The following RICTOR variants were observed in gnomAD, a reference collection of about 807,000 sequenced individuals.
The protein encoded by RICTOR is rapamycin-insensitive companion of mTOR.
RICTOR carries 49 observed loss-of-function variants against 214.9 expected under a neutral mutation model. That is an observed-to-expected ratio of 0.23 (90% confidence interval 0.18 to 0.29). RICTOR has a LOEUF of 0.29. Among genes scored for constraint, RICTOR ranks in the 10% least tolerant of loss-of-function variants. The pLI is 1.00. For synonymous variants in RICTOR, 717 were observed against 711.3 expected (o/e 1.01, Z -0.13); for missense variants, 1,625 against 2,047.0 (o/e 0.79, Z 3.98).
chr5:39,060,948 C>T (rs1758500538), intron 2 of RICTOR, among the ~76,000 whole-genome samples: 1 of 151,980 alleles, frequency 6.6e-6, no homozygotes, highest in Non-Finnish European at 1.5e-5. Context: ...CCCCATTTTC[C>T]TCATCAGTTA....
In RICTOR at chr5:38,938,703, G is replaced by C. The variant is rs1440882305; in HGVS notation, c.*3601C>G. 2 of 232,614 alleles carry C rather than the reference G, an allele frequency of 8.6e-6. No individual in the cohort carries two copies. The highest frequency in any genetic ancestry group is 2.2e-5 in the African/African-American group (1 of 45,322). The allele number at this position is 232,614 out of a possible 1,614,324, so 14.4% of individuals were successfully genotyped here. On this transcript the variant is annotated 3_prime_UTR_variant, in exon 38 of 38. Transcript: ENST00000357387. ...GAATGCTCCTAGAAAGATTCTCACA[G>C]ATTTCAGTGTTCTTTGATAAGCACT...
intron 5 of RICTOR, among the ~76,000 whole-genome samples, chr5:38,998,218 G>C (rs1753320505): frequency 6.6e-6 from 1 of 152,180 alleles, no homozygotes; most frequent in South Asian, 2.1e-4. Context: ...CTCTTACAAG[G>C]CAAATAACAT....
At chr5:38,945,752 T>A in intron 33 of RICTOR, 28 bp from the exon 34 acceptor site, 1 of 1,211,598 alleles carries the variant, frequency 8.3e-7, no homozygotes. Flanking sequence ...TAAAACATAA[T>A]CCAATAAAGA....
chr5:38,966,777 T>C (rs1029624762), intron 14 of RICTOR, 56 bp from the exon 15 acceptor site: 3 of 953,402 alleles, frequency 3.1e-6, no homozygotes, highest in Non-Finnish European at 3.2e-6. Context: ...TGAAAACATT[T>C]ATGCATCAGA....
intron 2 of RICTOR, among the ~76,000 whole-genome samples, chr5:39,068,559 T>C (rs538370013): frequency 6.6e-6 from 1 of 152,238 alleles, no homozygotes; most frequent in South Asian, 2.1e-4. Context: ...AATGTGTGTA[T>C]GTGTTTTGTT....
intron 37 of RICTOR, 110 bp from the exon 38 acceptor site, chr5:38,942,488 C>T: frequency 1.9e-6 from 1 of 514,714 alleles, no homozygotes; most frequent in South Asian, 4.9e-5. Flanking sequence ...CTTGCTCAGT[C>T]TTCCCAGGAT....
intron 3 of RICTOR, among the ~76,000 whole-genome samples, chr5:39,007,755 T>C (rs1172242384): frequency 2.0e-5 from 3 of 151,582 alleles, no homozygotes. Flanking sequence ...TGGCAAAATA[T>C]TGTTTTAAAT....
At chr5:39,055,737 A>C (rs977566910) in intron 2 of RICTOR, among the ~76,000 whole-genome samples, 9 of 152,216 alleles carry the variant, frequency 5.9e-5, no homozygotes, top group Non-Finnish European at 1.2e-4. Flanking sequence ...CTGCGAGGGA[A>C]GATTGACTTT....
intron 5 of RICTOR, among the ~76,000 whole-genome samples, chr5:39,000,667 G>C (rs1753547175): frequency 6.6e-6 from 1 of 151,842 alleles, no homozygotes; most frequent in South Asian, 2.1e-4. Context: ...ATAAAGATTG[G>C]AAAGGAAGAT....
chr5:39,011,347 G>T (rs938722405), intron 3 of RICTOR, among the ~76,000 whole-genome samples: 2 of 152,246 alleles, frequency 1.3e-5, no homozygotes, highest in Admixed American at 6.5e-5. Context: ...TGTCCAGGCA[G>T]AAGTTTGCTG....
At chr5:38,995,287 T>C (rs1330302057) in intron 6 of RICTOR, among the ~76,000 whole-genome samples, 1 of 152,324 alleles carries the variant, frequency 6.6e-6, no homozygotes, top group East Asian at 1.9e-4. Flanking sequence ...CCGGAGGCCA[T>C]TATTCTAAGT....
At chr5:38,946,028 TAA>T (rs1321679995) in intron 33 of RICTOR, among the ~76,000 whole-genome samples, 1 of 152,130 alleles carries the variant, frequency 6.6e-6, no homozygotes, top group Non-Finnish European at 1.5e-5. Context: ...GGCATTTGTT[TAA>T]AAAGTCATTA....
chr5:38,959,655 G>C (rs571271334), intron 21 of RICTOR, 124 bp downstream of exon 21: 3 of 644,524 alleles, frequency 4.7e-6, no homozygotes, highest in Non-Finnish European at 8.0e-6. Context: ...TTAAAGCAAA[G>C]ATAATGCTAA....
chr5:39,066,455 A>C (rs533704004), intron 2 of RICTOR, among the ~76,000 whole-genome samples: 2 of 152,148 alleles, frequency 1.3e-5, no homozygotes, highest in Non-Finnish European at 2.9e-5. Flanking sequence ...CTTTTCTCCA[A>C]CTTCACGGAT....
intron 2 of RICTOR, among the ~76,000 whole-genome samples, chr5:39,058,310 T>A (rs1263459828): frequency 6.6e-6 from 1 of 152,040 alleles, no homozygotes; most frequent in Admixed American, 6.5e-5. Context: ...TAAAGGGTCA[T>A]CTGAAGAAAG....
intron 10 of RICTOR, among the ~76,000 whole-genome samples, chr5:38,974,660 A>C (rs1490859575): frequency 6.6e-6 from 1 of 152,190 alleles, no homozygotes; most frequent in Non-Finnish European, 1.5e-5. Flanking sequence ...ATAGAATCCT[A>C]TGGTTGTCCA....
At chr5:39,050,703 CG>C (rs1410246618) in intron 2 of RICTOR, among the ~76,000 whole-genome samples, 4 of 151,988 alleles carry the variant, frequency 2.6e-5, no homozygotes, top group Non-Finnish European at 4.4e-5. Context: ...TTTAAAATTC[CG>C]TATCCCTTAG....
chr5:38,960,778 GGAGAT>G (rs1749725649), intron 19 of RICTOR, among the ~76,000 whole-genome samples: 1 of 152,046 alleles, frequency 6.6e-6, no homozygotes, highest in African/African-American at 2.4e-5. Flanking sequence ...CCTCATGAGA[GGAGAT>G]AAGATTATGG....
Position 38,983,759 on chromosome 5 carries a change from C to A in RICTOR, c.584-1723G>T, listed in dbSNP as rs574381905. 2.0e-5 allele frequency among the ~76,000 whole-genome samples: 3 copies of A among 151,956 alleles called. No individual in the cohort carries two copies. The East Asian group carries it at 5.8e-4, about 29-fold the overall frequency. Reference sequence around the variant, plus strand: ...CGGGTGGATCACGAGGTCAAGAGATCGAGACATCCTGGCCAACATGGTGAA... The same window carrying A: ...CGGGTGGATCACGAGGTCAAGAGATAGAGACATCCTGGCCAACATGGTGAA... On this transcript the variant is annotated intron_variant, in intron 7 of 37. Coordinates refer to ENST00000357387, the MANE Select transcript of RICTOR (RefSeq NM_152756.5).
Sources: gnomAD v4.1 joint callset for allele counts (sites outside exome capture counted in the v4.1 genomes callset) on GRCh38, gnomAD v4.1.1 for gene constraint, MANE v1.5 for transcripts, NCBI Gene and HGNC (gene_info 2026-07-23, HGNC 2026-07-21) for gene names.